The following GABPB2 variants were observed in gnomAD, a reference collection of about 807,000 sequenced individuals.
GABPB2 encodes GA binding protein transcription factor subunit beta 2, also known as GA-binding protein subunit beta-2.
Under a neutral mutation model 39.1 loss-of-function variants are expected in GABPB2, and 23 were observed. That is an observed-to-expected ratio of 0.59 (90% CI 0.42 to 0.83). The LOEUF is 0.83. Ranked by LOEUF, GABPB2 falls within the 40% of genes least tolerant of loss-of-function variation. GABPB2 has a pLI of 0.00. For missense variants in GABPB2, 467 were observed against 541.1 expected, an observed-to-expected ratio of 0.86 and a Z score of 1.36; for synonymous variants, 184 against 199.3, an observed-to-expected ratio of 0.92 and a Z score of 0.65.
Position 151,121,762 on chromosome 1 carries a change from A to G in GABPB2, c.*3506A>G, listed in dbSNP as rs1346011077. Reference sequence around the variant, plus strand: ...CACCTACCTGCTGGGTTTTCTTTGTATGTCAGCATGGAGTTTTTCCCAAAG... The same window carrying G: ...CACCTACCTGCTGGGTTTTCTTTGTGTGTCAGCATGGAGTTTTTCCCAAAG... On this transcript the variant is annotated 3_prime_UTR_variant, in exon 9 of 9. Coordinates refer to ENST00000368918, the MANE Select transcript of GABPB2 (RefSeq NM_144618.3). 1.3e-5 allele frequency: 2 copies of G among 152,108 alleles called. No homozygotes were observed. Among genetic ancestry groups the G allele is most frequent in the African/African-American group, 4.8e-5 (2 of 41,420 alleles). The allele number at this position is 152,108 out of a possible 1,614,324, so 9.4% of individuals were successfully genotyped here. A position where few individuals can be genotyped will look rare whatever the true frequency, so the allele number is the denominator to read the frequency against.
chr1:151,091,868 C>T (rs1678741351), intron 3 of GABPB2, among the ~76,000 whole-genome samples: 1 of 152,048 alleles, frequency 6.6e-6, no homozygotes, highest in Non-Finnish European at 1.5e-5. Flanking sequence ...CAGTTTTCAA[C>T]ATCTGGGTTC....
chr1:151,106,116 C>T (rs1446348593), intron 6 of GABPB2, among the ~76,000 whole-genome samples: 2 of 151,888 alleles, frequency 1.3e-5, no homozygotes, highest in African/African-American at 4.8e-5. Context: ...CGCCCACCAA[C>T]ACGCCCAGCT....
Position 151,104,793 on chromosome 1 carries a change from CTTTCTTTCT to C in GABPB2, c.736+1130_736+1138del, listed in dbSNP as rs1439373334. Among the ~76,000 whole-genome samples, 492 of 55,672 alleles carry C rather than the reference CTTTCTTTCT, an allele frequency of 8.8e-3. 4 individuals carry two copies. Among genetic ancestry groups the C allele is most frequent in the African/African-American group, 0.023 (449 of 19,140 alleles). 36.5% of individuals were successfully genotyped at this position (55,672 alleles called of 152,430 possible). ...TCTTTCTCTCTTTCTTTCTTTCTTTCTTTCTTTCTTTTCTTTCTTTCCTTTCTTTCTTTC... is the reference window on the plus strand; with the variant it reads ...TCTTTCTCTCTTTCTTTCTTTCTTTCTTTCTTTCTTTCCTTTCTTTCTTTC... On this transcript the variant is annotated intron_variant, in intron 6 of 8. Transcript: ENST00000368918.
At chr1:151,072,471 C>T (rs116537710) in intron 1 of GABPB2, among the ~76,000 whole-genome samples, 3,751 of 152,156 alleles carry the variant, frequency 0.025, 74 homozygotes, top group Non-Finnish European at 0.04. Context: ...GTGGGAGGAT[C>T]GCTTGAGGTC....
intron 1 of GABPB2, among the ~76,000 whole-genome samples, chr1:151,075,726 A>G (rs1341822248): frequency 6.6e-6 from 1 of 151,470 alleles, no homozygotes; most frequent in Non-Finnish European, 1.5e-5. Flanking sequence ...CCCCCCCCAA[A>G]AAAACCCAAA....
At position 151,077,921 on chromosome 1, in the gene GABPB2, C is replaced by T. The variant is rs137949566; in HGVS notation, c.-1+6987C>T. Among the ~76,000 whole-genome samples the T allele has an allele frequency of 3.4e-4, 52 of 151,890 alleles. No individual in the cohort carries two copies. In the East Asian group the frequency reaches 1.0e-2, roughly 29 times the overall value. On this transcript the variant is annotated intron_variant, in intron 1 of 8. Coordinates refer to ENST00000368918, the MANE Select transcript of GABPB2 (RefSeq NM_144618.3). ...GAGCCAAGATCACACCATTGCACTC[C>T]AGCCTGGGCAACAGAGCAAGACTCA...
At chr1:151,113,112 T>C (rs1680593088) in intron 7 of GABPB2, among the ~76,000 whole-genome samples, 1 of 151,734 alleles carries the variant, frequency 6.6e-6, no homozygotes, top group Admixed American at 6.6e-5. Flanking sequence ...GAGGTCTTGC[T>C]AAGCTTCCCA....
At chr1:151,086,880 T>C (rs993881594) in intron 1 of GABPB2, among the ~76,000 whole-genome samples, 5 of 151,818 alleles carry the variant, frequency 3.3e-5, no homozygotes, top group Admixed American at 1.3e-4. Flanking sequence ...TTCGAGATAG[T>C]GTCTCGCTCT....
At chr1:151,071,221 A>AG (rs1443453564) in intron 1 of GABPB2, among the ~76,000 whole-genome samples, 1 of 152,082 alleles carries the variant, frequency 6.6e-6, no homozygotes, top group Non-Finnish European at 1.5e-5. Context: ...GGTGACCACT[A>AG]GGGGGCGGCG....
At chr1:151,107,617 C>T (rs1307678040) in intron 7 of GABPB2, among the ~76,000 whole-genome samples, 6 of 151,798 alleles carry the variant, frequency 4.0e-5, no homozygotes, top group Admixed American at 3.3e-4. Context: ...CCGGGTTCAC[C>T]GCGCCCGGCC....
At chr1:151,111,860 C>T (rs1182028784) in intron 7 of GABPB2, 2 of 149,578 alleles carry the variant, frequency 1.3e-5, no homozygotes, top group African/African-American at 4.9e-5. Context: ...GAAGAGCTAA[C>T]ATGGTTTTTA....
At chr1:151,076,931 C>T (rs1199566247) in intron 1 of GABPB2, among the ~76,000 whole-genome samples, 1 of 151,364 alleles carries the variant, frequency 6.6e-6, no homozygotes, top group Non-Finnish European at 1.5e-5. Context: ...GTAGCTGGGA[C>T]TACAGGTGCC....
intron 1 of GABPB2, among the ~76,000 whole-genome samples, chr1:151,079,038 G>T (rs776719192): frequency 6.6e-6 from 1 of 152,196 alleles, no homozygotes; most frequent in Admixed American, 6.6e-5. Flanking sequence ...GATAGGAGGA[G>T]AAAATAGCCT....
Position 151,117,429 on chromosome 1 carries a change from T to C in GABPB2, c.960T>C (p.Thr320=). 1 of 1,613,806 alleles carries C rather than the reference T, an allele frequency of 6.2e-7. No individual in the cohort carries two copies. Among genetic ancestry groups the C allele is most frequent in the Non-Finnish European group, 8.5e-7 (1 of 1,179,740 alleles). Residue 320 remains threonine, a synonymous_variant, in exon 8 of 9, where the codon ACT becomes ACC. Transcript: ENST00000368918. The part of the protein sequence containing the change: ...TVPAGKVAEE[T]VIKEEEEEKL... ...CTGCTGGTAAGGTTGCAGAGGAGAC[T>C]GTAATTAAAGAGGAAGAAGAAGAGA...
At chr1:151,116,666 C>T (rs1680900676) in intron 7 of GABPB2, among the ~76,000 whole-genome samples, 2 of 151,904 alleles carry the variant, frequency 1.3e-5, no homozygotes, top group African/African-American at 4.8e-5. Flanking sequence ...GGAGTGCAGT[C>T]GCGAGTTCTT....
intron 2 of GABPB2, among the ~76,000 whole-genome samples, chr1:151,088,886 G>A (rs747075909): frequency 1.8e-4 from 28 of 152,124 alleles, no homozygotes; most frequent in Non-Finnish European, 3.2e-4. Context: ...TGTAATCCCA[G>A]CTACTTGAGA....
chr1:151,098,832 C>T (rs1013508151), intron 5 of GABPB2, among the ~76,000 whole-genome samples: 3 of 151,998 alleles, frequency 2.0e-5, no homozygotes, highest in Non-Finnish European at 4.4e-5. Context: ...GCCTGTAGTC[C>T]CAGCACTTTG....
intron 1 of GABPB2, among the ~76,000 whole-genome samples, chr1:151,083,768 G>A (rs1331068294): frequency 1.3e-5 from 2 of 150,702 alleles, no homozygotes; most frequent in Non-Finnish European, 2.9e-5. Flanking sequence ...TTGAGATGGA[G>A]TCTTGCTGTG....
chr1:151,109,364 A>ATATATATATATATT (rs779537595), intron 7 of GABPB2, among the ~76,000 whole-genome samples: 1 of 112,394 alleles, frequency 8.9e-6, no homozygotes, highest in African/African-American at 3.4e-5. Context: ...ATATATATAT[A>ATATATATATATATT]TTTTTTTTTT....
Sources: gnomAD v4.1 joint callset for allele counts (sites outside exome capture counted in the v4.1 genomes callset) on GRCh38, gnomAD v4.1.1 for gene constraint, MANE v1.5 for transcripts, NCBI Gene and HGNC (gene_info 2026-07-23, HGNC 2026-07-21) for gene names.